ZNF469: variants seen among roughly 807,000 people sequenced by gnomAD.
The protein encoded by ZNF469 is zinc finger protein 469.
ZNF469 carries 1 observed loss-of-function variant against 1.0 expected under a neutral mutation model. The observed-to-expected ratio is 1.00, with a 90% CI of 0.35 to 4.73. The LOEUF (loss-of-function observed/expected upper bound fraction) is 4.73, where lower values mean the gene tolerates loss of function less well. Among genes scored for constraint, ZNF469 ranks in the 30% most tolerant of loss-of-function variants. ZNF469 has a pLI of 0.16. For missense variants in ZNF469, 6,100 were observed against 5,356.3 expected (o/e 1.14, Z -4.33); for synonymous variants, 2,703 against 2,363.4 (o/e 1.14, Z -4.17).
chr16:88,433,054 G>T lies in ZNF469; in HGVS notation c.5584G>T (p.Ala1862Ser). ...FEGNEFAPAG[A>S]SSLTAPRGRE... ...GGGTAATGAGTTTGCACCGGCGGGG[G>T]CCTCCTCACTGACTGCCCCCCGGGG... The change falls in exon 3 of 3, where the codon GCC (alanine) becomes TCC (serine). Residue 1862 changes from alanine (A) to serine (S), a missense_variant. Coordinates refer to ENST00000565624, the MANE Select transcript of ZNF469 (RefSeq NM_001367624.2). 1 of 1,550,272 alleles carries T rather than the reference G, an allele frequency of 6.5e-7. No individual in the cohort carries two copies. The highest frequency in any genetic ancestry group is 8.7e-7 in the Non-Finnish European group (1 of 1,146,946).
At chr16:88,222,115 G>T in the ZNF469 span, among the ~76,000 whole-genome samples, 1 of 152,038 alleles carries the variant, frequency 6.6e-6, no homozygotes, top group Non-Finnish European at 1.5e-5. Context: ...TTTGCCCTAG[G>T]CACATACTCT....
chr16:88,428,483 A>C lies in ZNF469; in HGVS notation c.1013A>C (p.Tyr338Ser), dbSNP rs959052409. The change falls in exon 3 of 3, where the codon TAC becomes TCC. Residue 338 changes from tyrosine to serine, a missense_variant. Coordinates refer to ENST00000565624, the MANE Select transcript of ZNF469 (RefSeq NM_001367624.2). ...TQPAPSPLPC[Y>S]QGQPGGLNRH... ...CCTGCGCCCTCACCCCTGCCCTGCT[A>C]CCAGGGCCAGCCAGGTGGCCTGAAC... 2 of 1,549,352 alleles carry C rather than the reference A, an allele frequency of 1.3e-6. No homozygotes were observed. The highest frequency in any genetic ancestry group is 1.7e-6 in the Non-Finnish European group (2 of 1,146,762).
the ZNF469 span, among the ~76,000 whole-genome samples, chr16:88,149,988 GC>G: frequency 6.6e-6 from 1 of 152,258 alleles, no homozygotes; most frequent in Non-Finnish European, 1.5e-5. Context: ...CAGGGGCACA[GC>G]CCCCCAGCAC....
chr16:88,361,415 C>G, the ZNF469 span, among the ~76,000 whole-genome samples: 1 of 152,234 alleles, frequency 6.6e-6, no homozygotes, highest in Admixed American at 6.5e-5. Flanking sequence ...GCAGGTAAAA[C>G]TAACCTATGA....
intron 1 of ZNF469, among the ~76,000 whole-genome samples, chr16:88,389,385 C>G (rs1458741461): frequency 6.6e-6 from 1 of 152,266 alleles, no homozygotes. Context: ...GGACGGAGCA[C>G]ATTTTGTGCA....
chr16:88,205,090 G>T, the ZNF469 span, among the ~76,000 whole-genome samples: 1 of 152,222 alleles, frequency 6.6e-6, no homozygotes, highest in African/African-American at 2.4e-5. The surrounding 1 kb of genome is among the most constrained non-coding windows in gnomAD (Gnocchi z 4.2). Flanking sequence ...GCCCCTACCA[G>T]CAGCTTGCAT....
chr16:88,437,255 C>A lies in ZNF469; in HGVS notation c.9785C>A (p.Ala3262Asp). 6.5e-7 allele frequency: 1 copy of A among 1,548,872 alleles called. No homozygotes were observed. Among genetic ancestry groups the A allele is most frequent in the Non-Finnish European group, 8.7e-7 (1 of 1,146,170 alleles). Reference protein sequence around the residue: ...PGDPWGQEGEAKKDSPGERAK... With the variant: ...PGDPWGQEGEDKKDSPGERAK... ...GACCCGTGGGGGCAAGAGGGAGAAG[C>A]CAAGAAAGACAGCCCGGGCGAGAGG... Residue 3262 changes from alanine (A) to aspartate (D), a missense_variant, in exon 3 of 3, where the codon GCC becomes GAC. Physicochemically the swap from Ala to Asp is moderately radical, Grantham distance 126. Coordinates refer to ENST00000565624, the MANE Select transcript of ZNF469 (RefSeq NM_001367624.2).
At chr16:88,305,451 TAG>T in the ZNF469 span, among the ~76,000 whole-genome samples, 1 of 67,890 alleles carries the variant, frequency 1.5e-5, no homozygotes, top group Non-Finnish European at 2.8e-5. Flanking sequence ...CACATGCTCA[TAG>T]ACACACACGC....
chr16:88,331,363 C>A, the ZNF469 span, among the ~76,000 whole-genome samples: 1 of 150,608 alleles, frequency 6.6e-6, no homozygotes, highest in Non-Finnish European at 1.5e-5. Flanking sequence ...ACCATCATCA[C>A]CATCATCATC....
chr16:88,145,568 C>T, the ZNF469 span, among the ~76,000 whole-genome samples: 106 of 152,372 alleles, frequency 7.0e-4, 3 homozygotes, highest in South Asian at 0.021. Context: ...GGTGGTTCTG[C>T]TGCCAGGTCT....
chr16:88,382,160 C>A (rs2092526939), upstream of ZNF469, among the ~76,000 whole-genome samples: 1 of 152,280 alleles, frequency 6.6e-6, no homozygotes, highest in Non-Finnish European at 1.5e-5. Context: ...TAACGCTGCA[C>A]CCCTGCCCTT....
intron 1 of ZNF469, among the ~76,000 whole-genome samples, chr16:88,402,277 C>G (rs1381183695): frequency 6.6e-6 from 1 of 152,134 alleles, no homozygotes; most frequent in Non-Finnish European, 1.5e-5. Context: ...TGACCCTGTC[C>G]TACTCTACCC....
At chr16:88,290,912 G>A in the ZNF469 span, among the ~76,000 whole-genome samples, 2 of 152,304 alleles carry the variant, frequency 1.3e-5, no homozygotes, top group East Asian at 3.9e-4. Context: ...TGCCATTCCT[G>A]TGTGGGTTTA....
the ZNF469 span, among the ~76,000 whole-genome samples, chr16:88,104,563 A>G: frequency 1.3e-5 from 2 of 152,174 alleles, no homozygotes; most frequent in Admixed American, 1.3e-4. Context: ...GTCCTGTCCC[A>G]TGCGTGGGTC....
the ZNF469 span, among the ~76,000 whole-genome samples, chr16:88,200,535 C>T: frequency 1.3e-5 from 2 of 152,352 alleles, no homozygotes; most frequent in East Asian, 1.9e-4. Context: ...CCCCGGAGGC[C>T]GGTCTGCAAC....
At chr16:88,120,706 GGCA>G in the ZNF469 span, among the ~76,000 whole-genome samples, 1 of 152,236 alleles carries the variant, frequency 6.6e-6, no homozygotes, top group African/African-American at 2.4e-5. Context: ...CAGGACACGT[GGCA>G]GCTCCCAGCA....
At chr16:88,116,351 C>T in the ZNF469 span, among the ~76,000 whole-genome samples, 1 of 152,146 alleles carries the variant, frequency 6.6e-6, no homozygotes. Flanking sequence ...CCTCCAGAAC[C>T]AGCGATGCCG....
At chr16:88,307,940 G>C in the ZNF469 span, among the ~76,000 whole-genome samples, 1 of 152,192 alleles carries the variant, frequency 6.6e-6, no homozygotes, top group African/African-American at 2.4e-5. Flanking sequence ...GTATTCCTAT[G>C]TTGTCTTCTA....
chr16:88,357,243 C>G, the ZNF469 span, among the ~76,000 whole-genome samples: 8 of 152,254 alleles, frequency 5.3e-5, no homozygotes, highest in Non-Finnish European at 1.2e-4. Flanking sequence ...AAGCCACACT[C>G]ATGACCTCAG....
Sources: allele counts gnomAD v4.1 joint callset (sites outside exome capture counted in the v4.1 genomes callset), GRCh38; gene constraint gnomAD v4.1.1; non-coding constraint Gnocchi (gnomAD v3.1); transcripts MANE v1.5; gene names NCBI Gene and HGNC (gene_info 2026-07-23, HGNC 2026-07-21).